The following LRRC74A variants were observed in gnomAD, a reference collection of about 807,000 sequenced individuals.
The protein encoded by LRRC74A is leucine-rich repeat-containing protein 74A.
Under a neutral mutation model 57.9 loss-of-function variants are expected in LRRC74A, and 44 were observed. That is an observed-to-expected ratio of 0.76 (90% CI 0.60 to 0.98). The LOEUF is 0.98. Ranked by LOEUF, LRRC74A falls within the 50% of genes least tolerant of loss-of-function variation. The pLI is 0.00. For synonymous variants in LRRC74A, 211 were observed against 219.4 expected (o/e 0.96, Z 0.34); for missense variants, 572 against 574.0 (o/e 1.00, Z 0.04).
At chr14:76,857,727 T>C (rs913922003) in intron 10 of LRRC74A, among the ~76,000 whole-genome samples, 2 of 152,212 alleles carry the variant, frequency 1.3e-5, no homozygotes, top group Non-Finnish European at 2.9e-5. Context: ...TATGAAAACC[T>C]GAGAGTAGAG....
chr14:76,866,161 G>C, intron 12 of LRRC74A, 86 bp downstream of exon 12: 2 of 1,026,570 alleles, frequency 1.9e-6, no homozygotes, highest in Non-Finnish European at 3.0e-6. Context: ...AGGAGAAGGA[G>C]CAAAAGAGCT....
At chr14:76,865,841 G>T (rs1030068583) in intron 11 of LRRC74A, 127 bp from the exon 12 acceptor site, 2 of 725,210 alleles carry the variant, frequency 2.8e-6, no homozygotes, top group Non-Finnish European at 4.7e-6. Context: ...CCTCACCTTG[G>T]CCTTCTGCCC....
intron 7 of LRRC74A, among the ~76,000 whole-genome samples, chr14:76,849,701 G>A (rs1897314170): frequency 6.6e-6 from 1 of 151,282 alleles, no homozygotes; most frequent in African/African-American, 2.4e-5. Context: ...TACTCGGGAG[G>A]GTGAGGCAGG....
intron 9 of LRRC74A, 104 bp downstream of exon 9, chr14:76,853,514 T>C (rs1897671729): frequency 1.8e-6 from 2 of 1,105,450 alleles, no homozygotes; most frequent in Non-Finnish European, 2.6e-6. Flanking sequence ...GAGAGAATAA[T>C]TGGGAATATC....
Position 76,853,362 on chromosome 14 carries a change from C to T in LRRC74A, c.909C>T (p.Ser303=). The T allele has an allele frequency of 6.2e-7, 1 of 1,612,702 alleles. No individual in the cohort carries two copies. Among genetic ancestry groups the T allele is most frequent in the African/African-American group, 1.3e-5 (1 of 74,560 alleles). ...GGNDIGNEGA[S]KISKGLESNE... ...ATGACATCGGCAATGAAGGGGCCTC[C>T]AAAATCAGCAAAGGACTGGAATCCA... The change falls in exon 9 of 14, where the codon TCC becomes TCT. Residue 303 remains serine (S), a synonymous_variant. Transcript: ENST00000689127.
chr14:76,865,423 T>C (rs1276556218), intron 11 of LRRC74A, among the ~76,000 whole-genome samples: 1 of 152,212 alleles, frequency 6.6e-6, no homozygotes, highest in Non-Finnish European at 1.5e-5. Flanking sequence ...TGAAATATCC[T>C]TTTAAAAATA....
At chr14:76,843,255 T>C (rs761617942) in intron 5 of LRRC74A, among the ~76,000 whole-genome samples, 2 of 138,390 alleles carry the variant, frequency 1.4e-5, no homozygotes, top group Admixed American at 8.1e-5. Context: ...TGCACTGCAC[T>C]CCAGTCTGGG....
chr14:76,856,271 T>A (rs1311768726), intron 9 of LRRC74A, among the ~76,000 whole-genome samples: 1 of 152,208 alleles, frequency 6.6e-6, no homozygotes, highest in Non-Finnish European at 1.5e-5. Context: ...CTGCAAGGCT[T>A]AGCTCCATGT....
intron 7 of LRRC74A, among the ~76,000 whole-genome samples, chr14:76,850,940 C>A (rs1408277743): frequency 6.6e-6 from 1 of 152,142 alleles, no homozygotes; most frequent in African/African-American, 2.4e-5. Context: ...TCCCATTATC[C>A]TCCCATTCAG....
chr14:76,831,430 G>A, intron 3 of LRRC74A, 55 bp downstream of exon 3: 2 of 1,590,216 alleles, frequency 1.3e-6, no homozygotes, highest in Non-Finnish European at 1.7e-6. Context: ...GGTTGGCAGA[G>A]TGGTAGGCCC....
At chr14:76,842,470 G>T (rs552498221) in intron 5 of LRRC74A, among the ~76,000 whole-genome samples, 1 of 152,240 alleles carries the variant, frequency 6.6e-6, no homozygotes, top group East Asian at 1.9e-4. Flanking sequence ...GAGAAATCTT[G>T]GAATCTGTGT....
chr14:76,862,001 A>G (rs1227031593), intron 11 of LRRC74A, among the ~76,000 whole-genome samples: 1 of 152,256 alleles, frequency 6.6e-6, no homozygotes, highest in African/African-American at 2.4e-5. Flanking sequence ...TGTACAGGTA[A>G]GATGACTTCA....
intron 9 of LRRC74A, 62 bp from the exon 10 acceptor site, chr14:76,857,318 G>C (rs963901203): frequency 9.8e-7 from 1 of 1,018,640 alleles, no homozygotes; most frequent in African/African-American, 1.6e-5. Flanking sequence ...TGTAGAAACT[G>C]TGCTCTGGGC....
At chr14:76,829,447 G>A (rs1895818966) in intron 2 of LRRC74A, among the ~76,000 whole-genome samples, 1 of 152,202 alleles carries the variant, frequency 6.6e-6, no homozygotes, top group African/African-American at 2.4e-5. Context: ...CAAGTCTGTT[G>A]TTAACGTTGC....
intron 9 of LRRC74A, among the ~76,000 whole-genome samples, chr14:76,854,662 TCATACCTAG>T (rs1240811151): frequency 6.6e-6 from 1 of 152,172 alleles, no homozygotes; most frequent in African/African-American, 2.4e-5. Flanking sequence ...ACCTAGTCCC[TCATACCTAG>T]CATAGTGTTG....
chr14:76,869,306 G>C (rs565788680), intron 13 of LRRC74A, among the ~76,000 whole-genome samples: 2 of 152,172 alleles, frequency 1.3e-5, no homozygotes, highest in South Asian at 4.1e-4. Context: ...GAGTCTCAGC[G>C]CCTGAGCAGG....
chr14:76,861,540 A>C (rs930715823), intron 11 of LRRC74A, among the ~76,000 whole-genome samples: 1 of 152,234 alleles, frequency 6.6e-6, no homozygotes, highest in East Asian at 1.9e-4. Context: ...TGGCGGGTTC[A>C]GCCAAAGAGA....
intron 8 of LRRC74A, 138 bp from the exon 9 acceptor site, chr14:76,853,078 G>A: frequency 2.7e-6 from 2 of 736,422 alleles, no homozygotes; most frequent in South Asian, 3.5e-5. Flanking sequence ...AGCTCTGAAT[G>A]ATCTGGCAGA....
intron 13 of LRRC74A, among the ~76,000 whole-genome samples, chr14:76,869,125 C>G (rs1162170400): frequency 6.6e-6 from 1 of 151,106 alleles, no homozygotes; most frequent in Non-Finnish European, 1.5e-5. Context: ...TCACCTGCCC[C>G]GTGCCTCCTC....
Sources: allele counts gnomAD v4.1 joint callset (sites outside exome capture counted in the v4.1 genomes callset), GRCh38; gene constraint gnomAD v4.1.1; transcripts MANE v1.5; gene names NCBI Gene and HGNC (gene_info 2026-07-23, HGNC 2026-07-21).